EFL1: variants seen among roughly 807,000 people sequenced by gnomAD.
EFL1 encodes elongation factor-like GTPase 1.
EFL1 carries 76 observed loss-of-function variants against 126.7 expected under a neutral mutation model. That is an observed-to-expected ratio of 0.60 (90% CI 0.50 to 0.73). The LOEUF is 0.73. Among genes scored for constraint, EFL1 ranks in the 30% least tolerant of loss-of-function variants. EFL1 has a pLI of 0.00. For synonymous variants in EFL1, 410 were observed against 448.4 expected (o/e 0.91, Z 1.08); for missense variants, 1,128 against 1,343.2 (o/e 0.84, Z 2.50).
At chr15:82,247,560 A>C (rs1178742822) in intron 4 of EFL1, among the ~76,000 whole-genome samples, 1 of 152,148 alleles carries the variant, frequency 6.6e-6, no homozygotes, top group Non-Finnish European at 1.5e-5. Flanking sequence ...GGGAACAAAA[A>C]GAATGGCAAT....
chr15:82,184,290 T>A (rs1026637356), intron 15 of EFL1, among the ~76,000 whole-genome samples: 22 of 152,098 alleles, frequency 1.4e-4, no homozygotes, highest in African/African-American at 5.3e-4. Flanking sequence ...AAGCATGAGG[T>A]AAGTAATAAA....
chr15:82,232,692 T>C (rs1475283828), intron 7 of EFL1, among the ~76,000 whole-genome samples: 8 of 152,236 alleles, frequency 5.3e-5, no homozygotes, highest in Admixed American at 3.3e-4. Context: ...GTTGACATAA[T>C]CTGAGCTAAA....
chr15:82,228,606 C>T (rs774686124), intron 9 of EFL1, among the ~76,000 whole-genome samples: 19 of 152,268 alleles, frequency 1.2e-4, no homozygotes, highest in Non-Finnish European at 2.8e-4. Context: ...CAAATAAGTG[C>T]TAACAAGTCA....
At chr15:82,179,530 G>C (rs1428591652) in intron 15 of EFL1, among the ~76,000 whole-genome samples, 1 of 152,142 alleles carries the variant, frequency 6.6e-6, no homozygotes, top group Non-Finnish European at 1.5e-5. Context: ...GTTCTGGAGA[G>C]AGCCCAGTTT....
intron 4 of EFL1, among the ~76,000 whole-genome samples, chr15:82,247,843 T>C (rs1019651096): frequency 3.9e-5 from 6 of 152,192 alleles, no homozygotes; most frequent in African/African-American, 1.4e-4. Flanking sequence ...ATCATGTGGC[T>C]TGCATCGTGG....
chr15:82,186,627 T>C (rs1388182282), intron 15 of EFL1, among the ~76,000 whole-genome samples: 1 of 152,236 alleles, frequency 6.6e-6, no homozygotes, highest in Non-Finnish European at 1.5e-5. Context: ...ATTTAATCTT[T>C]AATAATGGCC....
Position 82,152,291 on chromosome 15 carries a change from C to A in EFL1, c.2163G>T (p.Met721Ile). Residue 721 changes from methionine (M) to isoleucine (I), a missense_variant, in exon 18 of 20, where the codon ATG (methionine) becomes ATT (isoleucine). By Grantham distance (10) the Met-to-Ile change is conservative. Coordinates refer to ENST00000268206, the MANE Select transcript of EFL1 (RefSeq NM_024580.6). ...KQQKVAVIHQ[M>I]KEDQSKIPEG... Reference sequence around the variant, plus strand: ...CAGGGATTTTGCTTTGATCTTCTTTCATTTGGTGTATGACTGCAACTTTTT... The same window carrying A: ...CAGGGATTTTGCTTTGATCTTCTTTAATTTGGTGTATGACTGCAACTTTTT... The A allele has an allele frequency of 6.2e-7, 1 of 1,614,104 alleles. No individual in the cohort carries two copies. The highest frequency in any genetic ancestry group is 8.5e-7 in the Non-Finnish European group (1 of 1,180,004).
In EFL1 at chr15:82,262,722, G is replaced by A. The variant is rs2075141810; in HGVS notation, c.-128C>T. On this transcript the variant is annotated 5_prime_UTR_variant, in exon 1 of 20. Coordinates refer to ENST00000268206, the MANE Select transcript of EFL1 (RefSeq NM_024580.6). ...GGTCCGACACGCCCGCGCGCCAGGG[G>A]GCGGGGCCGGCTGTCGCTCGACCTT... is the stretch of plus-strand genomic sequence containing the variant. The A allele has an allele frequency of 2.3e-6, 2 of 859,012 alleles. No individual in the cohort carries two copies. Among genetic ancestry groups the A allele is most frequent in the Admixed American group, 3.3e-5 (1 of 30,482 alleles). The allele number at this position is 859,012 out of a possible 1,614,324, so 53.2% of individuals were successfully genotyped here.
chr15:82,149,927 T>C (rs546642858), intron 18 of EFL1, among the ~76,000 whole-genome samples: 1 of 152,158 alleles, frequency 6.6e-6, no homozygotes, highest in African/African-American at 2.4e-5. Flanking sequence ...GAAAAGCTCT[T>C]AGGTCTTCTT....
At position 82,262,624 on chromosome 15, in the gene EFL1, AG is replaced by A. The variant is rs2075139154; in HGVS notation, c.-31del. The A allele has an allele frequency of 4.7e-6, 2 of 421,880 alleles. No individual in the cohort carries two copies. The highest frequency in any genetic ancestry group is 8.4e-6 in the Non-Finnish European group (2 of 236,756). 26.1% of individuals were successfully genotyped at this position (421,880 alleles called of 1,614,324 possible). ...CCAGCCCACACTCACCGGCTGCAGC[AG>A]CCCCACCAGCCCCGCTCCTTCTCTC... On this transcript the variant is annotated 5_prime_UTR_variant, in exon 1 of 20. Coordinates refer to ENST00000268206, the MANE Select transcript of EFL1 (RefSeq NM_024580.6).
At chr15:82,182,324 G>C (rs540994551) in intron 15 of EFL1, among the ~76,000 whole-genome samples, 1 of 152,320 alleles carries the variant, frequency 6.6e-6, no homozygotes, top group South Asian at 2.1e-4. Flanking sequence ...ATTTGTGTGG[G>C]AAAAGGTCTT....
At chr15:82,215,446 T>C (rs1390245068) in intron 14 of EFL1, 5 of 152,018 alleles carry the variant, frequency 3.3e-5, no homozygotes, top group African/African-American at 1.2e-4. Flanking sequence ...GAGGACAGAG[T>C]ACATTTACAG....
chr15:82,226,211 C>T (rs2074761996), intron 11 of EFL1, among the ~76,000 whole-genome samples: 1 of 152,136 alleles, frequency 6.6e-6, no homozygotes, highest in East Asian at 1.9e-4. Context: ...TTCCGTCGCC[C>T]AGGCTGGAGT....
At chr15:82,210,253 A>T (rs2074569796) in intron 15 of EFL1, among the ~76,000 whole-genome samples, 2 of 152,238 alleles carry the variant, frequency 1.3e-5, no homozygotes. Context: ...CAAAAGGCAG[A>T]GTCAGTTCCC....
intron 15 of EFL1, among the ~76,000 whole-genome samples, chr15:82,178,008 AT>A (rs761434878): frequency 6.6e-5 from 10 of 152,190 alleles, no homozygotes; most frequent in Non-Finnish European, 1.3e-4. Context: ...GTGAGGTAAG[AT>A]TGTCATTTTT....
intron 17 of EFL1, 46 bp from the exon 18 acceptor site, chr15:82,152,469 A>G: frequency 6.8e-7 from 1 of 1,479,734 alleles, no homozygotes; most frequent in Non-Finnish European, 9.1e-7. Context: ...AAATCAAAAT[A>G]GCATCAAAGC....
At chr15:82,167,552 G>T (rs2074092588) in intron 15 of EFL1, among the ~76,000 whole-genome samples, 1 of 152,134 alleles carries the variant, frequency 6.6e-6, no homozygotes, top group African/African-American at 2.4e-5. Flanking sequence ...ATTGTGTGAG[G>T]CTTGAGAGAT....
In EFL1 at chr15:82,253,783, A is replaced by T. The variant is rs371939643; in HGVS notation, c.160-1008T>A. ...CATAACACTGTAATACCCACCAATGAGTGTCTACATCTCATTTTCTAGGCC... is the reference window on the plus strand; with the variant it reads ...CATAACACTGTAATACCCACCAATGTGTGTCTACATCTCATTTTCTAGGCC... On this transcript the variant is annotated intron_variant, in intron 3 of 19. Coordinates refer to ENST00000268206, the MANE Select transcript of EFL1 (RefSeq NM_024580.6). Among the ~76,000 whole-genome samples the T allele has an allele frequency of 3.3e-5, 5 of 152,172 alleles. No homozygotes were observed. In the East Asian group the frequency reaches 5.8e-4, roughly 18 times the overall value.
At chr15:82,135,584 G>T (rs2073712017) in intron 19 of EFL1, among the ~76,000 whole-genome samples, 2 of 152,144 alleles carry the variant, frequency 1.3e-5, no homozygotes, top group South Asian at 4.1e-4. Flanking sequence ...CTTAAAAGCA[G>T]CCATAGAAAA....
Sources: allele counts gnomAD v4.1 joint callset (sites outside exome capture counted in the v4.1 genomes callset), GRCh38; gene constraint gnomAD v4.1.1; transcripts MANE v1.5; gene names NCBI Gene and HGNC (gene_info 2026-07-23, HGNC 2026-07-21).